PAX5: variants seen among roughly 807,000 people sequenced by gnomAD.
PAX5 encodes paired box 5, also known as paired box protein Pax-5.
PAX5 carries 9 observed loss-of-function variants against 43.7 expected under a neutral mutation model. That is an observed-to-expected ratio of 0.21 (90% CI 0.12 to 0.36). The LOEUF (loss-of-function observed/expected upper bound fraction) is 0.36. Ranked by LOEUF, PAX5 falls within the 10% of genes least tolerant of loss-of-function variation. PAX5 has a pLI of 1.00. For missense variants in PAX5, 383 were observed against 532.7 expected, an observed-to-expected ratio of 0.72 and a Z score of 2.77; for synonymous variants, 228 against 214.3, an observed-to-expected ratio of 1.06 and a Z score of -0.56.
At position 36,833,993 on chromosome 9, in the gene PAX5, A is replaced by T. The variant is rs143307292; in HGVS notation, c.*6567T>A. ...AAGACAAAATCAAATGTCTCAAAGA[A>T]TTAAAAGCAAAATGCATGTGTCTTC... On this transcript the variant is annotated 3_prime_UTR_variant, in exon 10 of 10. Coordinates refer to ENST00000358127, the MANE Select transcript of PAX5 (RefSeq NM_016734.3). 263 of 233,200 alleles carry T rather than the reference A, an allele frequency of 1.1e-3. 1 individual carries two copies. The highest frequency in any genetic ancestry group is 1.8e-3 in the Non-Finnish European group (213 of 118,000). The allele number at this position is 233,200 out of a possible 1,614,324, so 14.4% of individuals were successfully genotyped here.
chr9:36,863,186 G>A (rs1824394133), intron 8 of PAX5, among the ~76,000 whole-genome samples: 1 of 152,202 alleles, frequency 6.6e-6, no homozygotes, highest in Non-Finnish European at 1.5e-5. Flanking sequence ...CACAGATCAG[G>A]AGAAAAACGT....
chr9:36,931,656 C>G (rs4369064), intron 6 of PAX5, among the ~76,000 whole-genome samples: 31,116 of 152,008 alleles, frequency 0.2, 3,558 homozygotes, highest in Non-Finnish European at 0.25. Flanking sequence ...CAAGACCAGC[C>G]TGGCCAACAC....
chr9:36,882,052 C>A lies in PAX5; in HGVS notation c.964G>T (p.Ala322Ser). ...LPGYPPHVPP[A>S]GQGSYSAPTL... The stretch of plus-strand genomic sequence containing the variant: ...GGTGCTGAGTAGCTGCCCTGTCCAG[C>A]GGGGGGGACGTGTGGAGGGTACCCG... The change falls in exon 8 of 10, where the codon GCT becomes TCT. Residue 322 changes from alanine (A) to serine (S), a missense_variant. Physicochemically the swap from Ala to Ser is moderately conservative, Grantham distance 99. Coordinates refer to ENST00000358127, the MANE Select transcript of PAX5 (RefSeq NM_016734.3). The surrounding 1 kb of genome is among the most constrained non-coding windows in gnomAD (Gnocchi z 4.4). The A allele has an allele frequency of 1.2e-6, 2 of 1,611,372 alleles. No homozygotes were observed. The highest frequency in any genetic ancestry group is 1.7e-6 in the Non-Finnish European group (2 of 1,178,344).
chr9:36,969,800 T>TC (rs769280160), intron 5 of PAX5, among the ~76,000 whole-genome samples: 24 of 152,326 alleles, frequency 1.6e-4, no homozygotes, highest in Non-Finnish European at 2.9e-4. Flanking sequence ...AGCCTGCCTC[T>TC]CCGGGCATTC....
intron 6 of PAX5, among the ~76,000 whole-genome samples, chr9:36,936,207 C>T (rs1831540296): frequency 6.6e-6 from 1 of 152,194 alleles, no homozygotes; most frequent in African/African-American, 2.4e-5. Context: ...AGAACTGGGA[C>T]CCAGTGGCCC....
chr9:36,844,400 C>T (rs1822364089), intron 9 of PAX5, among the ~76,000 whole-genome samples: 1 of 152,194 alleles, frequency 6.6e-6, no homozygotes, highest in African/African-American at 2.4e-5. Flanking sequence ...CTTTCTGAGC[C>T]TCATTGTCCT....
At chr9:36,986,677 T>A (rs1836450998) in intron 5 of PAX5, among the ~76,000 whole-genome samples, 1 of 151,810 alleles carries the variant, frequency 6.6e-6, no homozygotes, top group Non-Finnish European at 1.5e-5. Context: ...TCCCGGCCGG[T>A]GGGCGGGAGC....
intron 8 of PAX5, among the ~76,000 whole-genome samples, chr9:36,879,539 G>A (rs1034591031): frequency 6.6e-6 from 1 of 152,214 alleles, no homozygotes; most frequent in Admixed American, 6.5e-5. Flanking sequence ...GGCACAGGAA[G>A]AAGTGCCTCC....
In PAX5 at chr9:36,855,389, A is replaced by G. The variant is rs527967730; in HGVS notation, c.1013-8460T>C. Among the ~76,000 whole-genome samples the G allele has an allele frequency of 7.2e-5, 11 of 152,328 alleles. 1 individual carries two copies. In the South Asian group the frequency reaches 1.4e-3, roughly 20 times the overall value. ...TCCATTTGAGATCCCTGGCTATGCC[A>G]TGGCACATTTTGAACAACACTGGTC... On this transcript the variant is annotated intron_variant, in intron 8 of 9. Transcript: ENST00000358127.
chr9:36,925,676 G>A (rs568579792), intron 6 of PAX5, among the ~76,000 whole-genome samples: 375 of 152,346 alleles, frequency 2.5e-3, no homozygotes, highest in Non-Finnish European at 4.1e-3. Context: ...AGACCTAAAT[G>A]TGGAAGGCAA....
chr9:36,992,817 C>T (rs1837055620), intron 5 of PAX5, among the ~76,000 whole-genome samples: 1 of 152,212 alleles, frequency 6.6e-6, no homozygotes. Flanking sequence ...TTGCAGCAGC[C>T]TGAAGCAGAA....
chr9:36,986,285 G>T (rs1373900493), intron 5 of PAX5, among the ~76,000 whole-genome samples: 1 of 148,860 alleles, frequency 6.7e-6, no homozygotes, highest in African/African-American at 2.4e-5. Context: ...GGCAATCAGC[G>T]GGCCGAGCCA....
chr9:36,966,739 A>T lies in PAX5; in HGVS notation c.605-15T>A, dbSNP rs1346416371. 6.2e-7 allele frequency: 1 copy of T among 1,612,368 alleles called. No homozygotes were observed. The highest frequency in any genetic ancestry group is 8.5e-7 in the Non-Finnish European group (1 of 1,179,004). On this transcript the variant is annotated splice_polypyrimidine_tract_variant and intron_variant, in intron 5 of 9. Transcript: ENST00000358127. Reference sequence around the variant, plus strand: ...CTCCTGAATACCTTTGATGAGCAGGAGAGAGGAAGGGTGAGTGGAGGTTAT... The same window carrying T: ...CTCCTGAATACCTTTGATGAGCAGGTGAGAGGAAGGGTGAGTGGAGGTTAT...
chr9:36,961,844 A>C (rs1834004944), intron 6 of PAX5, among the ~76,000 whole-genome samples: 1 of 151,782 alleles, frequency 6.6e-6, no homozygotes, highest in African/African-American at 2.4e-5. Context: ...ACGCACACAC[A>C]CTCGCCACCA....
intron 5 of PAX5, among the ~76,000 whole-genome samples, chr9:37,001,276 C>T (rs138342143): frequency 5.8e-4 from 88 of 152,326 alleles, no homozygotes; most frequent in Admixed American, 9.8e-4. Flanking sequence ...CAAAAATCTC[C>T]ACCTGGATCC....
intron 8 of PAX5, among the ~76,000 whole-genome samples, chr9:36,854,629 C>A (rs569816977): frequency 5.9e-5 from 9 of 152,296 alleles, no homozygotes; most frequent in South Asian, 4.1e-4. Flanking sequence ...GCCTCTCCCC[C>A]TCGCAGGCCA....
intron 6 of PAX5, among the ~76,000 whole-genome samples, chr9:36,926,202 C>T (rs1259506503): frequency 1.1e-4 from 16 of 152,172 alleles, no homozygotes; most frequent in Admixed American, 5.9e-4. Flanking sequence ...GACTCCAAAA[C>T]CTTGACAATG....
At chr9:36,962,285 T>C (rs562986380) in intron 6 of PAX5, among the ~76,000 whole-genome samples, 39 of 152,302 alleles carry the variant, frequency 2.6e-4, no homozygotes, top group African/African-American at 9.1e-4. Context: ...GCCAGAAAAC[T>C]GGCCCCTGGA....
At chr9:36,856,804 A>G (rs1260685637) in intron 8 of PAX5, among the ~76,000 whole-genome samples, 5 of 152,152 alleles carry the variant, frequency 3.3e-5, no homozygotes, top group Non-Finnish European at 7.3e-5. Flanking sequence ...AGGGAGAAGC[A>G]AAAAAAGAGC....
Sources: allele counts gnomAD v4.1 joint callset (sites outside exome capture counted in the v4.1 genomes callset), GRCh38; gene constraint gnomAD v4.1.1; non-coding constraint Gnocchi (gnomAD v3.1); transcripts MANE v1.5; gene names NCBI Gene and HGNC (gene_info 2026-07-23, HGNC 2026-07-21).